Variants in RNF146 observed in about 807,000 individuals in gnomAD.
The protein encoded by RNF146 is ring finger protein 146.
RNF146 carries 11 observed loss-of-function variants against 29.7 expected under a neutral mutation model. The observed-to-expected ratio is 0.37, with a 90% CI of 0.23 to 0.61. RNF146 has a LOEUF of 0.61. RNF146 is among the 20% of genes least tolerant of loss of function. The pLI is 0.66. For synonymous variants in RNF146, 150 were observed against 159.7 expected, an observed-to-expected ratio of 0.94 and a Z score of 0.46; for missense variants, 342 against 438.9, an observed-to-expected ratio of 0.78 and a Z score of 1.97.
chr6:127,275,380 C>G (rs1778058708), intron 1 of RNF146, among the ~76,000 whole-genome samples: 1 of 151,984 alleles, frequency 6.6e-6, no homozygotes, highest in African/African-American at 2.4e-5. Flanking sequence ...CTTACAGATT[C>G]CAGCTTGAGT....
intron 2 of RNF146, among the ~76,000 whole-genome samples, chr6:127,281,155 T>C (rs1778864151): frequency 6.6e-6 from 1 of 151,690 alleles, no homozygotes; most frequent in South Asian, 2.1e-4. Context: ...TGTAATGATA[T>C]GTATTAACAA....
Position 127,286,283 on chromosome 6 carries a change from C to T in RNF146, c.3-333C>T, listed in dbSNP as rs1351930362. 2 of 835,526 alleles carry T rather than the reference C, an allele frequency of 2.4e-6. No homozygotes were observed. The highest frequency in any genetic ancestry group is 1.8e-5 in the African/African-American group (1 of 56,430). 51.8% of individuals were successfully genotyped at this position (835,526 alleles called of 1,614,324 possible). A position where few individuals can be genotyped will look rare whatever the true frequency, so the allele number is the denominator to read the frequency against. ...GATTTCTTGTCTAGCATTCATTTCA[C>T]TGTATAATAGCTGCCATGATTCAAG... On this transcript the variant is annotated intron_variant, in intron 2 of 2. Transcript: ENST00000368314. The surrounding 1 kb of genome is among the most constrained non-coding windows in gnomAD (Gnocchi z 4.6).
At chr6:127,279,464 A>G (rs933300199) in intron 1 of RNF146, among the ~76,000 whole-genome samples, 26 of 151,766 alleles carry the variant, frequency 1.7e-4, no homozygotes, top group African/African-American at 1.7e-4. Context: ...TCTCAATTCT[A>G]TATCATTGGT....
intron 1 of RNF146, among the ~76,000 whole-genome samples, chr6:127,267,711 T>A (rs1776860075): frequency 6.6e-6 from 1 of 152,170 alleles, no homozygotes; most frequent in Non-Finnish European, 1.5e-5. Flanking sequence ...TGACGGCTGT[T>A]GAAGCATCGG....
intron 2 of RNF146, chr6:127,282,414 T>C (rs1041289589): frequency 1.3e-5 from 2 of 151,738 alleles, no homozygotes; most frequent in African/African-American, 4.8e-5. Flanking sequence ...CCAGACTTTT[T>C]TCAGCTCAGA....
At chr6:127,268,732 T>G (rs1777023936) in intron 1 of RNF146, among the ~76,000 whole-genome samples, 1 of 152,172 alleles carries the variant, frequency 6.6e-6, no homozygotes, top group African/African-American at 2.4e-5. Context: ...TCTCTCCAAA[T>G]AGCTGGTCTT....
At chr6:127,276,703 C>G (rs1277005430) in intron 1 of RNF146, among the ~76,000 whole-genome samples, 1 of 151,992 alleles carries the variant, frequency 6.6e-6, no homozygotes, top group African/African-American at 2.4e-5. Context: ...AGCTTGTGAT[C>G]TGAGAGTCGG....
At chr6:127,284,797 T>C (rs925720205) in intron 2 of RNF146, among the ~76,000 whole-genome samples, 10 of 151,940 alleles carry the variant, frequency 6.6e-5, no homozygotes, top group Admixed American at 3.3e-4. Flanking sequence ...CTTATCCAAC[T>C]TGTGGGCCAC....
chr6:127,280,048 A>C (rs1778731584), intron 1 of RNF146, among the ~76,000 whole-genome samples, 183 bp from the exon 2 acceptor site: 1 of 151,742 alleles, frequency 6.6e-6, no homozygotes, highest in African/African-American at 2.4e-5. Flanking sequence ...GTATGCCTTT[A>C]TCTCTTTTCC....
chr6:127,266,705 C>T (rs1016330345), upstream of RNF146: 1 of 152,302 alleles, frequency 6.6e-6, no homozygotes, highest in Non-Finnish European at 1.5e-5. Flanking sequence ...CGCCGCTCCC[C>T]ACAGGCAAGA....
intron 2 of RNF146, chr6:127,285,249 G>C: frequency 1.0e-6 from 1 of 984,806 alleles, no homozygotes; most frequent in Non-Finnish European, 1.2e-6. Context: ...GAGGAACCAA[G>C]AACACAGAAA....
At chr6:127,267,306 C>T (rs1266226460) in intron 1 of RNF146, among the ~76,000 whole-genome samples, 2 of 152,198 alleles carry the variant, frequency 1.3e-5, no homozygotes, top group East Asian at 3.9e-4. Flanking sequence ...GGCGGAGCAG[C>T]GGCCATTACT....
chr6:127,286,872 A>G lies in RNF146; in HGVS notation c.259A>G (p.Thr87Ala), dbSNP rs1281825503. The change falls in exon 3 of 3, where the codon ACC (threonine) becomes GCC (alanine). Residue 87 changes from threonine (T) to alanine (A), a missense_variant. Coordinates refer to ENST00000368314, the MANE Select transcript of RNF146 (RefSeq NM_001242850.2). The surrounding 1 kb of genome is among the most constrained non-coding windows in gnomAD (Gnocchi z 4.6). ...EIPEDFLDKPTLLSPEELKAA... is the reference protein window; with the variant it reads ...EIPEDFLDKPALLSPEELKAA... Reference sequence around the variant, plus strand: ...TCCCGAGGATTTCCTTGACAAGCCAACCTTGTTGTCACCAGAAGAACTCAA... The same window carrying G: ...TCCCGAGGATTTCCTTGACAAGCCAGCCTTGTTGTCACCAGAAGAACTCAA... The G allele has an allele frequency of 6.2e-7, 1 of 1,613,164 alleles. No individual in the cohort carries two copies. The highest frequency in any genetic ancestry group is 1.3e-5 in the African/African-American group (1 of 74,828).
At chr6:127,285,327 T>C in intron 2 of RNF146, 1 of 985,136 alleles carries the variant, frequency 1.0e-6, no homozygotes, top group Non-Finnish European at 1.2e-6. Flanking sequence ...CTAGGATTAT[T>C]GTTTTTCAAT....
chr6:127,273,846 A>T (rs1380954925), intron 1 of RNF146, among the ~76,000 whole-genome samples: 3 of 152,162 alleles, frequency 2.0e-5, no homozygotes, highest in Non-Finnish European at 4.4e-5. Flanking sequence ...ATAGAAAGAT[A>T]CTCGAATGTG....
chr6:127,284,879 T>G (rs1224044340), intron 2 of RNF146, among the ~76,000 whole-genome samples: 3 of 151,932 alleles, frequency 2.0e-5, no homozygotes, highest in Admixed American at 1.3e-4. Context: ...TATGTGATTT[T>G]TTTTTTTAGC....
intron 1 of RNF146, among the ~76,000 whole-genome samples, chr6:127,271,379 G>T (rs1244213415): frequency 6.6e-6 from 1 of 152,154 alleles, no homozygotes; most frequent in African/African-American, 2.4e-5. Context: ...TGATGGGTCA[G>T]TTTGGCAGAA....
chr6:127,269,276 GAATT>G (rs1247783049), intron 1 of RNF146, among the ~76,000 whole-genome samples: 2 of 152,188 alleles, frequency 1.3e-5, no homozygotes, highest in Non-Finnish European at 2.9e-5. Flanking sequence ...TAGAATTACA[GAATT>G]ATAGAGTAGG....
chr6:127,272,818 TTAAC>T (rs913862375), intron 1 of RNF146, among the ~76,000 whole-genome samples: 1 of 152,200 alleles, frequency 6.6e-6, no homozygotes, highest in Non-Finnish European at 1.5e-5. Flanking sequence ...TCCCCAAAAT[TTAAC>T]TACTAATAGC....
Sources: allele counts gnomAD v4.1 joint callset (sites outside exome capture counted in the v4.1 genomes callset), GRCh38; gene constraint gnomAD v4.1.1; non-coding constraint Gnocchi (gnomAD v3.1); transcripts MANE v1.5; gene names NCBI Gene and HGNC (gene_info 2026-07-23, HGNC 2026-07-21).